SOX5: variants seen among roughly 807,000 people sequenced by gnomAD.
SOX5 encodes transcription factor SOX-5.
SOX5 carries 9 observed loss-of-function variants against 92.0 expected under a neutral mutation model. The ratio of observed to expected loss-of-function variants is 0.10; its 90% CI spans 0.06 to 0.17. The LOEUF is 0.17. Ranked by LOEUF, SOX5 falls within the 10% of genes least tolerant of loss-of-function variation. SOX5 has a pLI of 1.00. For synonymous variants in SOX5, 344 were observed against 336.3 expected (o/e 1.02, Z -0.25); for missense variants, 642 against 944.5 (o/e 0.68, Z 4.20).
chr12:24,077,735 T>G (rs1441485817), intron 4 of SOX5, among the ~76,000 whole-genome samples: 1 of 147,998 alleles, frequency 6.8e-6, no homozygotes, highest in East Asian at 2.0e-4. Context: ...AAATTACTAA[T>G]TTATACAAGG....
intron 3 of SOX5, among the ~76,000 whole-genome samples, chr12:23,818,327 C>T (rs1053205712): frequency 6.6e-6 from 1 of 152,072 alleles, no homozygotes; most frequent in Non-Finnish European, 1.5e-5. Context: ...GTGCTGAATA[C>T]CGTATGCAAC....
chr12:23,716,354 T>C (rs1255045135), intron 6 of SOX5, among the ~76,000 whole-genome samples: 2 of 152,216 alleles, frequency 1.3e-5, no homozygotes, highest in Admixed American at 6.5e-5. Flanking sequence ...CCATTGTTCT[T>C]ATAAACACAT....
intron 2 of SOX5, among the ~76,000 whole-genome samples, chr12:23,877,445 TTTC>T (rs2096939811): frequency 6.6e-6 from 1 of 152,194 alleles, no homozygotes; most frequent in African/African-American, 2.4e-5. Context: ...TGTTTCCTCC[TTTC>T]TATGTAGTCC....
intron 3 of SOX5, among the ~76,000 whole-genome samples, chr12:24,234,114 G>A (rs994416583): frequency 7.2e-5 from 11 of 152,170 alleles, no homozygotes; most frequent in African/African-American, 1.4e-4. Context: ...TATAATGTGT[G>A]CTTGGGAAAA....
chr12:23,588,744 CA>C (rs1566078388), intron 9 of SOX5, among the ~76,000 whole-genome samples: 1 of 150,066 alleles, frequency 6.7e-6, no homozygotes, highest in African/African-American at 2.4e-5. Flanking sequence ...CACACACACA[CA>C]CACACATATG....
At chr12:23,771,186 G>T (rs1211775321) in intron 3 of SOX5, among the ~76,000 whole-genome samples, 2 of 62,456 alleles carry the variant, frequency 3.2e-5, no homozygotes, top group Admixed American at 1.7e-4. Flanking sequence ...CAAAAATGGA[G>T]CAAAAAAAAA....
At chr12:24,148,688 TAAAAAAAAAA>T (rs398018872) in intron 4 of SOX5, among the ~76,000 whole-genome samples, 3 of 70,952 alleles carry the variant, frequency 4.2e-5, no homozygotes, top group African/African-American at 2.6e-4. Context: ...CCATCTCTAC[TAAAAAAAAAA>T]AAAAAAAAAA....
At chr12:23,975,208 T>C (rs1429989331) in intron 4 of SOX5, among the ~76,000 whole-genome samples, 2 of 152,184 alleles carry the variant, frequency 1.3e-5, no homozygotes, top group Non-Finnish European at 2.9e-5. Flanking sequence ...ATTAAAATGT[T>C]GCATAGCAAG....
At position 24,448,042 on chromosome 12, in the gene SOX5, A is replaced by G. The variant is rs537853587; in HGVS notation, c.-250-79403T>C. On this transcript the variant is annotated intron_variant, in intron 1 of 4. Transcript: ENST00000446891. ...CTAAAAACACAAAAATTAGCTGGGC[A>G]TTGGTGGCATGTGCCTGTAGTCCCA... Among the ~76,000 whole-genome samples the G allele has an allele frequency of 2.6e-5, 4 of 152,228 alleles. No individual in the cohort carries two copies. The East Asian group carries it at 7.7e-4, about 29-fold the overall frequency.
At chr12:23,681,379 T>C (rs2086602768) in intron 6 of SOX5, among the ~76,000 whole-genome samples, 1 of 151,716 alleles carries the variant, frequency 6.6e-6, no homozygotes, top group African/African-American at 2.4e-5. Context: ...ACACAGAAAG[T>C]ATGAATTAAA....
At chr12:24,470,561 TG>T (rs1306827329) in intron 1 of SOX5, among the ~76,000 whole-genome samples, 1 of 61,546 alleles carries the variant, frequency 1.6e-5, no homozygotes, top group Admixed American at 2.0e-4. Flanking sequence ...AGAAAGGGGC[TG>T]GGGGGTGGGC....
chr12:23,939,400 T>C (rs551169152), intron 1 of SOX5, among the ~76,000 whole-genome samples: 36 of 150,936 alleles, frequency 2.4e-4, no homozygotes, highest in African/African-American at 7.7e-4. Flanking sequence ...TTTATATCTA[T>C]AGAAGGAGAA....
intron 6 of SOX5, among the ~76,000 whole-genome samples, chr12:23,713,984 C>T (rs924050810): frequency 6.6e-6 from 1 of 150,474 alleles, no homozygotes; most frequent in East Asian, 2.0e-4. Flanking sequence ...CCCAGCTACT[C>T]GCAAAGCTGA....
intron 1 of SOX5, among the ~76,000 whole-genome samples, chr12:24,407,903 A>G (rs1335836077): frequency 1.3e-4 from 20 of 152,236 alleles, no homozygotes; most frequent in Non-Finnish European, 2.9e-5. Context: ...GGAATTTTTT[A>G]AAGCGTCCAA....
intron 1 of SOX5, among the ~76,000 whole-genome samples, chr12:24,414,537 CG>C (rs1277601716): frequency 1.3e-5 from 2 of 152,190 alleles, no homozygotes; most frequent in Non-Finnish European, 2.9e-5. Context: ...ATTCCAGCCC[CG>C]TGTACTGGTC....
At chr12:24,547,609 A>T (rs192157985) in intron 1 of SOX5, among the ~76,000 whole-genome samples, 3 of 152,350 alleles carry the variant, frequency 2.0e-5, no homozygotes, top group African/African-American at 7.2e-5. Context: ...ATGCTATTTT[A>T]TTATATAGCC....
intron 9 of SOX5, among the ~76,000 whole-genome samples, chr12:23,577,150 T>TACACACAC (rs1197912028): frequency 2.6e-5 from 3 of 117,594 alleles, no homozygotes; most frequent in African/African-American, 9.8e-5. Flanking sequence ...TATATATATA[T>TACACACAC]ACACACACAC....
At chr12:24,254,967 C>T (rs571398316) in intron 3 of SOX5, among the ~76,000 whole-genome samples, 2 of 151,944 alleles carry the variant, frequency 1.3e-5, no homozygotes, top group Non-Finnish European at 2.9e-5. Context: ...CACAGTGGCT[C>T]TTCAACTATT....
chr12:24,549,111 A>G (rs1422084796), intron 1 of SOX5, among the ~76,000 whole-genome samples: 2 of 152,070 alleles, frequency 1.3e-5, no homozygotes, highest in Admixed American at 1.3e-4. Context: ...TCCTGTCCTC[A>G]TTACCTCATT....
Sources: gnomAD v4.1 joint callset for allele counts (sites outside exome capture counted in the v4.1 genomes callset) on GRCh38, gnomAD v4.1.1 for gene constraint, MANE v1.5 for transcripts, NCBI Gene and HGNC (gene_info 2026-07-23, HGNC 2026-07-21) for gene names.